The following AGPAT3 variants were observed in gnomAD, a reference collection of about 807,000 sequenced individuals.
AGPAT3 encodes the protein 1-acylglycerol-3-phosphate O-acyltransferase 3.
Under a neutral mutation model 47.3 loss-of-function variants are expected in AGPAT3, and 5 were observed. The observed-to-expected ratio is 0.11, with a 90% CI of 0.06 to 0.22. AGPAT3 has a LOEUF of 0.22. AGPAT3 is among the 10% of genes least tolerant of loss of function. The pLI, the probability that AGPAT3 is intolerant of heterozygous loss-of-function variation, is 1.00. For synonymous variants in AGPAT3, 212 were observed against 208.3 expected (o/e 1.02, Z -0.15); for missense variants, 315 against 493.0 (o/e 0.64, Z 3.42).
At chr21:43,897,737 G>C (rs931479635) in intron 1 of AGPAT3, among the ~76,000 whole-genome samples, 1 of 152,056 alleles carries the variant, frequency 6.6e-6, no homozygotes, top group Middle Eastern at 3.2e-3. Flanking sequence ...CCTAGACGGG[G>C]TGGCAGCCGG....
At position 43,933,588 on chromosome 21, in the gene AGPAT3, G is replaced by A. The variant is rs1038041550; in HGVS notation, c.-48-26046G>A. Reference sequence around the variant, plus strand: ...CTCCATAGCCTGCTGGCGTCCATGTGTTTTTATTCTTTCTTTATGGTTGAG... The same window carrying A: ...CTCCATAGCCTGCTGGCGTCCATGTATTTTTATTCTTTCTTTATGGTTGAG... On this transcript the variant is annotated intron_variant, in intron 2 of 9. Transcript: ENST00000291572. The surrounding 1 kb of genome is among the most constrained non-coding windows in gnomAD (Gnocchi z 6.0). Among the ~76,000 whole-genome samples, 3 of 151,948 alleles carry A rather than the reference G, an allele frequency of 2.0e-5. No homozygotes were observed. The highest frequency in any genetic ancestry group is 7.3e-5 in the African/African-American group (3 of 41,340).
At chr21:43,941,318 C>T (rs1026003309) in intron 2 of AGPAT3, among the ~76,000 whole-genome samples, 10 of 152,160 alleles carry the variant, frequency 6.6e-5, no homozygotes, top group Non-Finnish European at 7.4e-5. Flanking sequence ...TTGCTAACAG[C>T]GGGGAGGGTC....
intron 4 of AGPAT3, among the ~76,000 whole-genome samples, 174 bp from the exon 5 acceptor site, chr21:43,968,944 C>T (rs940358323): frequency 1.3e-5 from 2 of 152,076 alleles, no homozygotes; most frequent in Non-Finnish European, 2.9e-5. Flanking sequence ...ATTTCTGGGG[C>T]GACCCACTCA....
chr21:43,885,397 T>C (rs2085953055), intron 1 of AGPAT3, among the ~76,000 whole-genome samples: 1 of 151,576 alleles, frequency 6.6e-6, no homozygotes, highest in African/African-American at 2.4e-5. Context: ...TTTTCTTTTT[T>C]TTTTTTTTTG....
At chr21:43,978,839 C>T (rs2089723252) in intron 8 of AGPAT3, among the ~76,000 whole-genome samples, 1 of 152,194 alleles carries the variant, frequency 6.6e-6, no homozygotes, top group African/African-American at 2.4e-5. Flanking sequence ...ATTTCTTTCC[C>T]CCACGGCTTA....
intron 2 of AGPAT3, among the ~76,000 whole-genome samples, chr21:43,912,347 G>C (rs2086647693): frequency 6.6e-6 from 1 of 152,242 alleles, no homozygotes; most frequent in African/African-American, 2.4e-5. Context: ...TCTCCCAAGT[G>C]AGGATGAATT....
chr21:43,887,265 G>T (rs2086000001), intron 1 of AGPAT3, among the ~76,000 whole-genome samples: 1 of 152,176 alleles, frequency 6.6e-6, no homozygotes, highest in Non-Finnish European at 1.5e-5. Context: ...CCATCTTCCT[G>T]CCCAGAAGCA....
intron 7 of AGPAT3, among the ~76,000 whole-genome samples, chr21:43,972,398 G>A (rs144871536): frequency 2.1e-4 from 32 of 152,186 alleles, no homozygotes; most frequent in African/African-American, 6.0e-4. Context: ...TGCCTGCCTC[G>A]GCCTCCCAAA....
chr21:43,955,315 G>A lies in AGPAT3; in HGVS notation c.-48-4319G>A, dbSNP rs750504911. 48 of 1,071,570 alleles carry A rather than the reference G, an allele frequency of 4.5e-5. No individual in the cohort carries two copies. Among genetic ancestry groups the A allele is most frequent in the Non-Finnish European group, 5.3e-5 (45 of 849,016 alleles). 66.4% of individuals were successfully genotyped at this position (1,071,570 alleles called of 1,614,324 possible). A position where few individuals can be genotyped will look rare whatever the true frequency, so the allele number is the denominator to read the frequency against. On this transcript the variant is annotated intron_variant, in intron 2 of 9. Transcript: ENST00000291572. The surrounding 1 kb of genome is among the most constrained non-coding windows in gnomAD (Gnocchi z 4.1). ...GGTGGGGAAGGACTTGGATGGAAAT[G>A]TTCCCTGTTGCAGTGTGGTGGGGTC... is the stretch of plus-strand genomic sequence containing the variant.
intron 1 of AGPAT3, among the ~76,000 whole-genome samples, chr21:43,865,781 C>T (rs1042303981): frequency 2.0e-5 from 3 of 151,946 alleles, no homozygotes; most frequent in Non-Finnish European, 4.4e-5. Flanking sequence ...CCGCTCGGCT[C>T]CCCCGTGGAC....
intron 2 of AGPAT3, among the ~76,000 whole-genome samples, chr21:43,935,608 A>G (rs1027880545): frequency 2.6e-5 from 4 of 151,970 alleles, no homozygotes; most frequent in African/African-American, 7.3e-5. Flanking sequence ...ACAGATGCTC[A>G]CTGCTCGGTA....
In AGPAT3 at chr21:43,920,211, G is replaced by GTA. The variant is rs2146183159; in HGVS notation, c.-49+16193_-49+16194insAT. Reference sequence around the variant, plus strand: ...ACACTCATCATGTCTTCAGCCCTGTGTGTGTGTGTGTGAGAGATTGTGAGT... The same window carrying GTA: ...ACACTCATCATGTCTTCAGCCCTGTGTATGTGTGTGTGTGAGAGATTGTGAGT... On this transcript the variant is annotated intron_variant, in intron 2 of 9. Transcript: ENST00000291572. The surrounding 1 kb of genome is among the most constrained non-coding windows in gnomAD (Gnocchi z 6.1). Among the ~76,000 whole-genome samples, 1 of 65,252 alleles carries GTA rather than the reference G, an allele frequency of 1.5e-5. No individual in the cohort carries two copies. Among genetic ancestry groups the GTA allele is most frequent in the African/African-American group, 5.1e-5 (1 of 19,710 alleles). 42.8% of individuals were successfully genotyped at this position (65,252 alleles called of 152,430 possible).
intron 2 of AGPAT3, among the ~76,000 whole-genome samples, chr21:43,958,875 G>C (rs1601422718): frequency 6.7e-6 from 1 of 149,270 alleles, no homozygotes; most frequent in East Asian, 2.0e-4. Context: ...TGTGTGGTGT[G>C]TGGTGTGTAT....
intron 2 of AGPAT3, among the ~76,000 whole-genome samples, chr21:43,914,288 C>T (rs752322143): frequency 3.9e-5 from 6 of 152,190 alleles, no homozygotes; most frequent in Non-Finnish European, 7.3e-5. Flanking sequence ...TGCACTCTTT[C>T]TCCTTGTGAA....
chr21:43,876,726 A>G (rs1263019413), intron 1 of AGPAT3, among the ~76,000 whole-genome samples: 2 of 152,032 alleles, frequency 1.3e-5, no homozygotes, highest in Non-Finnish European at 2.9e-5. Flanking sequence ...ATTTTTTCTC[A>G]CTCTAAAACT....
intron 1 of AGPAT3, among the ~76,000 whole-genome samples, chr21:43,885,435 C>T (rs1040038849): frequency 2.7e-5 from 4 of 147,794 alleles, no homozygotes; most frequent in Non-Finnish European, 5.9e-5. Flanking sequence ...GTCACCCATG[C>T]TAGAGTGCAA....
rs769981978 is a variant in AGPAT3 at position 43,968,035 on chromosome 21, G to A, written c.268G>A (p.Ala90Thr). ...ATVERFGKEH[A>T]VIILNHNFEI... is the part of the protein sequence containing the mutation. The stretch of plus-strand genomic sequence containing the variant: ...GGTAGAGCGCTTTGGGAAGGAGCAC[G>A]CAGTCATCATCCTCAACCACAACTT... Residue 90 changes from alanine to threonine, a missense_variant, in exon 4 of 10, where the codon GCA becomes ACA. By Grantham distance (58) the Ala-to-Thr change is moderately conservative. Coordinates refer to ENST00000291572, the MANE Select transcript of AGPAT3 (RefSeq NM_020132.5). 9.3e-6 allele frequency: 15 copies of A among 1,613,852 alleles called. No individual in the cohort carries two copies. The highest frequency in any genetic ancestry group is 2.2e-5 in the South Asian group (2 of 91,038).
At chr21:43,902,542 C>T (rs1601257552) in intron 1 of AGPAT3, among the ~76,000 whole-genome samples, 1 of 152,208 alleles carries the variant, frequency 6.6e-6, no homozygotes, top group Middle Eastern at 3.2e-3. Context: ...CTGGTGAGGG[C>T]CTCTTCCTGG....
At chr21:43,871,219 G>GA (rs530118040) in intron 1 of AGPAT3, among the ~76,000 whole-genome samples, 318 of 152,240 alleles carry the variant, frequency 2.1e-3, no homozygotes, top group African/African-American at 7.4e-3. Context: ...AAGAGAGGGG[G>GA]AAAAATCCCA....
Sources: allele counts gnomAD v4.1 joint callset (sites outside exome capture counted in the v4.1 genomes callset), GRCh38; gene constraint gnomAD v4.1.1; non-coding constraint Gnocchi (gnomAD v3.1); transcripts MANE v1.5; gene names NCBI Gene and HGNC (gene_info 2026-07-23, HGNC 2026-07-21).